Variants in FHIT observed in about 807,000 individuals in gnomAD.
FHIT encodes fragile histidine triad diadenosine triphosphatase.
FHIT carries 19 observed loss-of-function variants against 17.9 expected under a neutral mutation model. That is an observed-to-expected ratio of 1.06 (90% CI 0.74 to 1.56). FHIT has a LOEUF of 1.56. Among genes scored for constraint, FHIT ranks in the 40% most tolerant of loss-of-function variants. FHIT has a pLI of 0.00. For missense variants in FHIT, 248 were observed against 189.2 expected, an observed-to-expected ratio of 1.31 and a Z score of -1.82; for synonymous variants, 81 against 69.7, an observed-to-expected ratio of 1.16 and a Z score of -0.81.
intron 7 of FHIT, among the ~76,000 whole-genome samples, chr3:59,991,757 C>T (rs144824995): frequency 2.6e-5 from 4 of 152,046 alleles, no homozygotes; most frequent in Admixed American, 1.3e-4. Context: ...TGATCCTCTT[C>T]ACACAGCCAT....
chr3:61,006,354 TA>T (rs2107614032), intron 3 of FHIT, among the ~76,000 whole-genome samples: 1 of 152,262 alleles, frequency 6.6e-6, no homozygotes, highest in South Asian at 2.1e-4. Context: ...AAAACGTTAT[TA>T]AAAATTATTC....
chr3:60,967,029 A>C (rs964679654), intron 3 of FHIT, among the ~76,000 whole-genome samples: 5 of 152,212 alleles, frequency 3.3e-5, no homozygotes, highest in Non-Finnish European at 7.3e-5. Flanking sequence ...TTTATGCCTC[A>C]TGGAATAGAG....
At chr3:61,124,992 G>A (rs2036567326) in intron 2 of FHIT, among the ~76,000 whole-genome samples, 1 of 152,072 alleles carries the variant, frequency 6.6e-6, no homozygotes, top group South Asian at 2.1e-4. Flanking sequence ...AGTCTGCAGT[G>A]CCTCTAGGAG....
Position 60,706,510 on chromosome 3 carries a change from T to C in FHIT, c.-18+115409A>G, listed in dbSNP as rs570329066. 7.2e-5 allele frequency among the ~76,000 whole-genome samples: 11 copies of C among 152,312 alleles called. No homozygotes were observed. In the South Asian group the frequency reaches 2.3e-3, roughly 32 times the overall value. On this transcript the variant is annotated intron_variant, in intron 4 of 9. Transcript: ENST00000492590. ...TCATATCAGGGTTAGAGGACAAGTC[T>C]TTGGGTTAGAATGAACACTTAATTT...
chr3:60,170,815 A>G (rs546750280), intron 5 of FHIT, among the ~76,000 whole-genome samples: 29 of 152,312 alleles, frequency 1.9e-4, no homozygotes, highest in African/African-American at 7.0e-4. Flanking sequence ...GGTAATCTAT[A>G]TAATTTAATA....
intron 4 of FHIT, chr3:60,553,441 AATATAT>A (rs373735298): frequency 2.9e-5 from 14 of 483,532 alleles, no homozygotes; most frequent in Non-Finnish European, 3.4e-5. Flanking sequence ...ACTGCTTTAA[AATATAT>A]ATATATATAT....
At chr3:60,966,875 A>T (rs1709768520) in intron 3 of FHIT, among the ~76,000 whole-genome samples, 1 of 152,192 alleles carries the variant, frequency 6.6e-6, no homozygotes, top group African/African-American at 2.4e-5. Context: ...CCTAAGGTGC[A>T]GTATTTGATT....
chr3:61,077,820 C>T (rs2035017358), intron 2 of FHIT, among the ~76,000 whole-genome samples: 1 of 152,090 alleles, frequency 6.6e-6, no homozygotes, highest in Non-Finnish European at 1.5e-5. Context: ...TTGTTGATTC[C>T]TAGCATGTTG....
chr3:60,305,938 C>T, intron 5 of FHIT, among the ~76,000 whole-genome samples: 1 of 152,130 alleles, frequency 6.6e-6, no homozygotes, highest in East Asian at 1.9e-4. Flanking sequence ...GACTGCATCA[C>T]TTACATTCTA....
chr3:60,822,057 C>G (rs1701947830), intron 3 of FHIT, 46 bp from the exon 4 acceptor site: 2 of 152,140 alleles, frequency 1.3e-5, no homozygotes, highest in African/African-American at 4.8e-5. Context: ...AGCAGTGATC[C>G]AGATGGCTCT....
chr3:60,690,373 G>T (rs2040958399), intron 4 of FHIT: 1 of 575,746 alleles, frequency 1.7e-6, no homozygotes, highest in East Asian at 4.4e-5. Context: ...GGTCTTGGCA[G>T]GGCACATGAA....
intron 8 of FHIT, among the ~76,000 whole-genome samples, chr3:59,868,291 T>C (rs745969684): frequency 5.3e-5 from 8 of 151,914 alleles, no homozygotes; most frequent in Non-Finnish European, 1.0e-4. Flanking sequence ...GTTCACAGTA[T>C]AATCAGGACA....
intron 5 of FHIT, among the ~76,000 whole-genome samples, chr3:60,495,813 A>T (rs1157943148): frequency 6.6e-6 from 1 of 152,192 alleles, no homozygotes; most frequent in East Asian, 1.9e-4. Flanking sequence ...AGACATAAAG[A>T]TACTCTTTAA....
At chr3:60,004,811 A>G (rs963418793) in intron 7 of FHIT, among the ~76,000 whole-genome samples, 11 of 152,202 alleles carry the variant, frequency 7.2e-5, no homozygotes, top group Non-Finnish European at 1.6e-4. Context: ...CTACTTTTGC[A>G]GGTTGTTGTG....
intron 5 of FHIT, among the ~76,000 whole-genome samples, chr3:60,410,771 A>G (rs549206689): frequency 6.6e-6 from 1 of 152,308 alleles, no homozygotes; most frequent in African/African-American, 2.4e-5. Flanking sequence ...AGACCCTAAA[A>G]TTAATTTTTC....
At chr3:59,845,119 C>A (rs1172884627) in intron 8 of FHIT, among the ~76,000 whole-genome samples, 1 of 152,028 alleles carries the variant, frequency 6.6e-6, no homozygotes, top group Non-Finnish European at 1.5e-5. Context: ...TTTCTGTAGA[C>A]TTGATAGCAA....
At chr3:60,880,089 T>C (rs1198114265) in intron 3 of FHIT, among the ~76,000 whole-genome samples, 1 of 152,152 alleles carries the variant, frequency 6.6e-6, no homozygotes, top group Non-Finnish European at 1.5e-5. Flanking sequence ...AGTTCAATTG[T>C]CAAAGTCAAA....
chr3:60,414,933 T>G (rs1383509022), intron 5 of FHIT, among the ~76,000 whole-genome samples: 1 of 152,214 alleles, frequency 6.6e-6, no homozygotes, highest in Non-Finnish European at 1.5e-5. Context: ...AGAATTTTGA[T>G]AGTTTCGTAG....
Position 60,760,660 on chromosome 3 carries a change from T to G in FHIT, c.-18+61259A>C, listed in dbSNP as rs535698984. Among the ~76,000 whole-genome samples, 15 of 152,266 alleles carry G rather than the reference T, an allele frequency of 9.9e-5. 1 individual carries two copies. The South Asian group carries it at 3.1e-3, about 32-fold the overall frequency. On this transcript the variant is annotated intron_variant, in intron 4 of 9. Coordinates refer to ENST00000492590, the MANE Select transcript of FHIT (RefSeq NM_002012.4). ...AAAAGAAAAAGTAATGCCCAGCAAA[T>G]TTCTCCTTCCTAAGCTAGAAAGGAA... is the stretch of plus-strand genomic sequence containing the variant.
Sources: gnomAD v4.1 joint callset for allele counts (sites outside exome capture counted in the v4.1 genomes callset) on GRCh38, gnomAD v4.1.1 for gene constraint, MANE v1.5 for transcripts, NCBI Gene and HGNC (gene_info 2026-07-23, HGNC 2026-07-21) for gene names.